The following LHFPL3 variants were observed in gnomAD, a reference collection of about 807,000 sequenced individuals.
LHFPL3 encodes the protein LHFPL tetraspan subfamily member 3 protein.
A neutral mutation model predicts 19.3 loss-of-function variants in LHFPL3; 5 were observed. That is an observed-to-expected ratio of 0.26 (90% CI 0.14 to 0.54). The LOEUF is 0.54. LHFPL3 is among the 20% of genes least tolerant of loss of function. The pLI, the probability that LHFPL3 is intolerant of heterozygous loss-of-function variation, is 0.94. For missense variants in LHFPL3, 249 were observed against 307.4 expected, an observed-to-expected ratio of 0.81 and a Z score of 1.42; for synonymous variants, 133 against 126.2, an observed-to-expected ratio of 1.05 and a Z score of -0.36.
At chr7:104,682,997 T>C (rs905760414) in intron 1 of LHFPL3, among the ~76,000 whole-genome samples, 2 of 152,158 alleles carry the variant, frequency 1.3e-5, no homozygotes, top group African/African-American at 4.8e-5. Context: ...TAATTACTAT[T>C]TTTTTTCCTT....
intron 2 of LHFPL3, among the ~76,000 whole-genome samples, chr7:104,878,938 T>G (rs182399693): frequency 6.6e-6 from 1 of 152,268 alleles, no homozygotes; most frequent in East Asian, 1.9e-4. Flanking sequence ...AAGCTTCTAG[T>G]TGTCTAGATA....
chr7:104,606,663 G>A (rs540152527), intron 1 of LHFPL3, among the ~76,000 whole-genome samples: 1 of 152,172 alleles, frequency 6.6e-6, no homozygotes, highest in Non-Finnish European at 1.5e-5. Context: ...TCAATCCACT[G>A]AAACCTCAGC....
intron 1 of LHFPL3, among the ~76,000 whole-genome samples, chr7:104,675,008 C>A (rs910386277): frequency 1.3e-5 from 2 of 152,164 alleles, no homozygotes; most frequent in African/African-American, 4.8e-5. Context: ...TGAGTTCTTA[C>A]CTTCATGGAG....
At chr7:104,544,222 A>G (rs1482946349) in intron 1 of LHFPL3, among the ~76,000 whole-genome samples, 1 of 152,128 alleles carries the variant, frequency 6.6e-6, no homozygotes, top group Non-Finnish European at 1.5e-5. Context: ...AGTCCCTTTC[A>G]GTAATTATTC....
At position 104,908,561 on chromosome 7, in the gene LHFPL3, A is replaced by G. The variant is rs1792663698; in HGVS notation, c.*2346A>G. Among the ~76,000 whole-genome samples, 1 of 152,196 alleles carries G rather than the reference A, an allele frequency of 6.6e-6. No homozygotes were observed. The highest frequency in any genetic ancestry group is 1.5e-5 in the Non-Finnish European group (1 of 68,030). On this transcript the variant is annotated 3_prime_UTR_variant, in exon 3 of 3. Transcript: ENST00000424859. The stretch of plus-strand genomic sequence containing the variant: ...AAATAAGATTTTGTTACTTAAAAGA[A>G]TTTTTGGTGGTGTGGTACATATTTG...
At chr7:104,389,544 G>T (rs1452851398) in intron 1 of LHFPL3, among the ~76,000 whole-genome samples, 1 of 152,044 alleles carries the variant, frequency 6.6e-6, no homozygotes, top group Non-Finnish European at 1.5e-5. Context: ...AGTATAAGAG[G>T]TTCAAAATAA....
intron 1 of LHFPL3, among the ~76,000 whole-genome samples, chr7:104,614,660 C>CTTCT (rs1791286682): frequency 1.4e-5 from 1 of 70,976 alleles, no homozygotes; most frequent in African/African-American, 4.5e-5. Flanking sequence ...TCTCTCCTTC[C>CTTCT]TTCCTTCCTT....
intron 2 of LHFPL3, among the ~76,000 whole-genome samples, chr7:104,880,881 C>G (rs959672324): frequency 2.0e-5 from 3 of 152,052 alleles, no homozygotes; most frequent in Non-Finnish European, 2.9e-5. Flanking sequence ...TTAAGAAATA[C>G]TTTGTGTGGC....
chr7:104,364,874 A>G (rs1402861902), intron 1 of LHFPL3, among the ~76,000 whole-genome samples: 2 of 152,270 alleles, frequency 1.3e-5, no homozygotes, highest in Non-Finnish European at 2.9e-5. Flanking sequence ...TCAGAGAGAT[A>G]GCAGGATGTT....
chr7:104,848,029 T>A (rs1791343538), intron 2 of LHFPL3, among the ~76,000 whole-genome samples: 1 of 152,226 alleles, frequency 6.6e-6, no homozygotes, highest in Admixed American at 6.5e-5. Context: ...AAGTGGATCA[T>A]TTCTTGTGTA....
At chr7:104,704,772 A>C (rs772330710) in intron 1 of LHFPL3, among the ~76,000 whole-genome samples, 7 of 152,030 alleles carry the variant, frequency 4.6e-5, no homozygotes, top group Non-Finnish European at 1.0e-4. Flanking sequence ...TGTAGCTGGG[A>C]CCACAAGCAT....
chr7:104,681,197 G>T (rs1447440024), intron 1 of LHFPL3, among the ~76,000 whole-genome samples: 26 of 130,930 alleles, frequency 2.0e-4, no homozygotes, highest in South Asian at 1.4e-3. Flanking sequence ...GATCTGCCCT[G>T]TTTACTCTCT....
chr7:104,645,875 T>C (rs6960459), intron 1 of LHFPL3, among the ~76,000 whole-genome samples: 147,931 of 151,880 alleles, frequency 0.97, 72,137 homozygotes, highest in East Asian at 1. Flanking sequence ...TTAGCCAGGA[T>C]GGTCTCGATC....
chr7:104,764,523 T>A (rs1794424213), intron 2 of LHFPL3, among the ~76,000 whole-genome samples: 1 of 152,218 alleles, frequency 6.6e-6, no homozygotes, highest in Admixed American at 6.5e-5. Context: ...AGAGTCTGAT[T>A]GGCATAGCTT....
intron 2 of LHFPL3, among the ~76,000 whole-genome samples, chr7:104,831,238 A>G (rs1340856708): frequency 1.4e-5 from 2 of 142,054 alleles, no homozygotes; most frequent in African/African-American, 5.2e-5. Context: ...ATAAAATGTT[A>G]TATATGCATA....
intron 1 of LHFPL3, among the ~76,000 whole-genome samples, chr7:104,462,357 G>T (rs1172434470): frequency 6.6e-6 from 1 of 152,152 alleles, no homozygotes; most frequent in Non-Finnish European, 1.5e-5. Flanking sequence ...TATGATAGTG[G>T]CTGTGAGTTT....
intron 1 of LHFPL3, among the ~76,000 whole-genome samples, chr7:104,427,570 G>C (rs1791872724): frequency 6.6e-6 from 1 of 152,162 alleles, no homozygotes; most frequent in South Asian, 2.1e-4. Flanking sequence ...GAATTTAAAA[G>C]ATGCAAACCA....
rs145310460 is a variant in LHFPL3 at position 104,501,964 on chromosome 7, C to G, written c.445+172740C>G. ...TGTACTGTTCTAGGAATCAAATTAA[C>G]TGAAAGGAATTTCAAAATAATCAGA... On this transcript the variant is annotated intron_variant, in intron 1 of 2. Transcript: ENST00000424859. 1.4e-3 allele frequency among the ~76,000 whole-genome samples: 216 copies of G among 152,278 alleles called. 3 individuals are homozygous for G. Among genetic ancestry groups the G allele is most frequent in the African/African-American group, 4.3e-3 (180 of 41,566 alleles).
chr7:104,395,320 C>T (rs1037883035), intron 1 of LHFPL3, among the ~76,000 whole-genome samples: 1 of 152,182 alleles, frequency 6.6e-6, no homozygotes, highest in Non-Finnish European at 1.5e-5. Flanking sequence ...CAGTTTGGAG[C>T]AGTTAGGTAA....
Sources: gnomAD v4.1 joint callset for allele counts (sites outside exome capture counted in the v4.1 genomes callset) on GRCh38, gnomAD v4.1.1 for gene constraint, MANE v1.5 for transcripts, NCBI Gene and HGNC (gene_info 2026-07-23, HGNC 2026-07-21) for gene names.